CSMD1: variants seen among roughly 807,000 people sequenced by gnomAD.
CSMD1 encodes the protein CUB and Sushi multiple domains 1.
A neutral mutation model predicts 417.5 loss-of-function variants in CSMD1; 213 were observed. The ratio of observed to expected loss-of-function variants is 0.51; its 90% confidence interval spans 0.46 to 0.57. The LOEUF is 0.57. Ranked by LOEUF, CSMD1 falls within the 20% of genes least tolerant of loss-of-function variation. The pLI is 0.00. For synonymous variants in CSMD1, 2,862 were observed against 1,736.8 expected, an observed-to-expected ratio of 1.65 and a Z score of -16.11; for missense variants, 6,923 against 4,529.7, an observed-to-expected ratio of 1.53 and a Z score of -15.17.
At chr8:4,188,824 G>C (rs1298390800) in intron 3 of CSMD1, among the ~76,000 whole-genome samples, 1 of 150,316 alleles carries the variant, frequency 6.7e-6, no homozygotes, top group Non-Finnish European at 1.5e-5. Context: ...GATGGTAATT[G>C]GGAGGGATAT....
chr8:3,973,959 C>T (rs888544250), intron 5 of CSMD1, among the ~76,000 whole-genome samples: 7 of 152,104 alleles, frequency 4.6e-5, no homozygotes, highest in African/African-American at 1.7e-4. Context: ...AATGGGATAT[C>T]CATTCCCTCA....
At chr8:3,269,258 A>G (rs759590498) in intron 26 of CSMD1, among the ~76,000 whole-genome samples, 2 of 152,230 alleles carry the variant, frequency 1.3e-5, no homozygotes, top group Non-Finnish European at 2.9e-5. Context: ...TAAGTGGTCA[A>G]TCATAAAAAT....
At chr8:4,522,124 G>C (rs977039844) in intron 2 of CSMD1, among the ~76,000 whole-genome samples, 47 of 152,120 alleles carry the variant, frequency 3.1e-4, no homozygotes, top group African/African-American at 1.1e-3. Flanking sequence ...CTGGGGGGAG[G>C]TGATTGAACT....
At chr8:4,860,785 A>C (rs1446377044) in intron 1 of CSMD1, among the ~76,000 whole-genome samples, 4 of 152,142 alleles carry the variant, frequency 2.6e-5, no homozygotes, top group African/African-American at 9.7e-5. Flanking sequence ...CATCCCTGAT[A>C]ATACCAAATT....
At chr8:3,721,880 G>A (rs958848536) in intron 6 of CSMD1, among the ~76,000 whole-genome samples, 1 of 152,116 alleles carries the variant, frequency 6.6e-6, no homozygotes, top group Non-Finnish European at 1.5e-5. Context: ...AGAATGAAGT[G>A]CCCGTTAAGT....
At chr8:4,793,649 A>G (rs530358241) in intron 1 of CSMD1, among the ~76,000 whole-genome samples, 276 of 152,242 alleles carry the variant, frequency 1.8e-3, no homozygotes, top group Non-Finnish European at 2.8e-3. Context: ...ATTGCTGTCA[A>G]TAGCAATGTT....
rs184328662 is a variant in CSMD1 at position 3,990,792 on chromosome 8, G to T, written c.818+7111C>A. Among the ~76,000 whole-genome samples, 238 of 152,236 alleles carry T rather than the reference G, an allele frequency of 1.6e-3. 2 individuals carry two copies. Among genetic ancestry groups the T allele is most frequent in the African/African-American group, 5.4e-3 (224 of 41,546 alleles). ...TCCATCCCTTTCATGAGGAAGGAGA[G>T]GGGAGGGCAGGAAATAATTCCTAGG... On this transcript the variant is annotated intron_variant, in intron 5 of 69. Transcript: ENST00000635120.
intron 1 of CSMD1, among the ~76,000 whole-genome samples, chr8:4,710,681 TA>T (rs1584979828): frequency 1.3e-5 from 2 of 151,196 alleles, no homozygotes; most frequent in East Asian, 3.9e-4. Flanking sequence ...CCGTCTCTAC[TA>T]AAAATACAAA....
intron 3 of CSMD1, among the ~76,000 whole-genome samples, chr8:4,255,506 T>C (rs1249959300): frequency 6.6e-6 from 1 of 152,260 alleles, no homozygotes; most frequent in Non-Finnish European, 1.5e-5. Context: ...AAATGTGCAA[T>C]AGCAGTGGAT....
chr8:3,530,399 A>AT (rs753263120), intron 10 of CSMD1, among the ~76,000 whole-genome samples: 42 of 151,922 alleles, frequency 2.8e-4, no homozygotes, highest in East Asian at 9.7e-4. Context: ...TTCCCTTGTG[A>AT]TTTTTTCTTC....
At chr8:3,962,944 G>A (rs974371970) in intron 5 of CSMD1, among the ~76,000 whole-genome samples, 4 of 151,862 alleles carry the variant, frequency 2.6e-5, no homozygotes, top group South Asian at 2.1e-4. Context: ...TTTTTGTTTC[G>A]TTTTGTTTTT....
At chr8:4,145,619 G>C (rs1422651231) in intron 3 of CSMD1, among the ~76,000 whole-genome samples, 2 of 150,830 alleles carry the variant, frequency 1.3e-5, no homozygotes, top group Non-Finnish European at 2.9e-5. Flanking sequence ...AAAGTCCTCG[G>C]CTCAAGCGAT....
rs560306937 is a variant in CSMD1 at position 4,495,493 on chromosome 8, T to C, written c.303-75428A>G. ...GGGAGGCTGAAGTAGGAGAATTGCT[T>C]GAACTCAGGAGGCAGAAGTTGCAGT... On this transcript the variant is annotated intron_variant, in intron 2 of 69. Transcript: ENST00000635120. 2.6e-5 allele frequency among the ~76,000 whole-genome samples: 4 copies of C among 152,116 alleles called. No homozygotes were observed. In the South Asian group the frequency reaches 8.3e-4, roughly 32 times the overall value.
chr8:3,383,449 C>T (rs1452013051), intron 18 of CSMD1, among the ~76,000 whole-genome samples: 3 of 151,692 alleles, frequency 2.0e-5, no homozygotes, highest in East Asian at 3.9e-4. Flanking sequence ...AAGCCTTCTT[C>T]CACACTAGAA....
At chr8:4,095,821 G>C (rs1800978635) in intron 3 of CSMD1, among the ~76,000 whole-genome samples, 2 of 152,120 alleles carry the variant, frequency 1.3e-5, no homozygotes, top group African/African-American at 4.8e-5. Flanking sequence ...TTATTCATTT[G>C]TTTTTGCATT....
intron 1 of CSMD1, among the ~76,000 whole-genome samples, chr8:4,645,629 G>C (rs1407651019): frequency 6.6e-6 from 1 of 151,940 alleles, no homozygotes; most frequent in African/African-American, 2.4e-5. Flanking sequence ...TTGTAGACTG[G>C]CAAAAAGAGA....
At chr8:3,848,270 T>C (rs1453259346) in intron 5 of CSMD1, among the ~76,000 whole-genome samples, 1 of 152,178 alleles carries the variant, frequency 6.6e-6, no homozygotes, top group Non-Finnish European at 1.5e-5. Flanking sequence ...CCAAGTGTTC[T>C]GCCCAACAGG....
At chr8:4,257,623 C>T (rs192176815) in intron 3 of CSMD1, among the ~76,000 whole-genome samples, 51 of 152,174 alleles carry the variant, frequency 3.4e-4, no homozygotes, top group African/African-American at 1.2e-3. Flanking sequence ...AAAGTTTGTC[C>T]TACTGTTTCA....
intron 5 of CSMD1, among the ~76,000 whole-genome samples, chr8:3,890,905 C>G (rs1490921919): frequency 6.6e-6 from 1 of 152,140 alleles, no homozygotes; most frequent in East Asian, 1.9e-4. Context: ...TAGCTACTCT[C>G]TCATAGGACT....
Sources: gnomAD v4.1 joint callset for allele counts (sites outside exome capture counted in the v4.1 genomes callset) on GRCh38, gnomAD v4.1.1 for gene constraint, MANE v1.5 for transcripts, NCBI Gene and HGNC (gene_info 2026-07-23, HGNC 2026-07-21) for gene names.